MTUS2: variants seen among roughly 807,000 people sequenced by gnomAD.
The protein encoded by MTUS2 is microtubule-associated tumor suppressor candidate 2.
MTUS2 carries 40 observed loss-of-function variants against 114.1 expected under a neutral mutation model. The ratio of observed to expected loss-of-function variants is 0.35; its 90% CI spans 0.27 to 0.46. The LOEUF is 0.46. MTUS2 is among the 20% of genes least tolerant of loss of function. The pLI, the probability that MTUS2 is intolerant of heterozygous loss-of-function variation, is 1.00. For missense variants in MTUS2, 1,679 were observed against 1,705.4 expected, an observed-to-expected ratio of 0.98 and a Z score of 0.27; for synonymous variants, 688 against 672.0, an observed-to-expected ratio of 1.02 and a Z score of -0.37.
intron 8 of MTUS2, among the ~76,000 whole-genome samples, chr13:29,439,759 GTAT>G (rs1386809727): frequency 6.6e-6 from 1 of 152,056 alleles, no homozygotes; most frequent in Non-Finnish European, 1.5e-5. Context: ...ACAACCACGG[GTAT>G]TATTAATATT....
intron 4 of MTUS2, among the ~76,000 whole-genome samples, chr13:29,079,538 G>GT (rs1324167815): frequency 6.6e-6 from 1 of 152,024 alleles, no homozygotes; most frequent in Non-Finnish European, 1.5e-5. Context: ...GAGTTTTGTA[G>GT]TTTTTTCACA....
At chr13:28,889,123 T>C (rs974098130) in intron 2 of MTUS2, among the ~76,000 whole-genome samples, 15 of 152,196 alleles carry the variant, frequency 9.9e-5, no homozygotes, top group Non-Finnish European at 5.9e-5. Flanking sequence ...CTTGTGATGA[T>C]GGTGGTGACA....
At chr13:29,228,565 C>A (rs1374200386) in intron 5 of MTUS2, among the ~76,000 whole-genome samples, 1 of 152,168 alleles carries the variant, frequency 6.6e-6, no homozygotes, top group Non-Finnish European at 1.5e-5. Context: ...AGCAGTCCTC[C>A]TGCCTCAGCC....
chr13:29,286,017 C>G (rs1434950529), intron 6 of MTUS2, among the ~76,000 whole-genome samples: 3 of 152,216 alleles, frequency 2.0e-5, no homozygotes, highest in African/African-American at 7.2e-5. Flanking sequence ...TCTCCACCTT[C>G]TGCTTTCAAG....
intron 5 of MTUS2, among the ~76,000 whole-genome samples, chr13:29,197,695 A>G (rs1566060697): frequency 6.6e-6 from 1 of 152,162 alleles, no homozygotes; most frequent in African/African-American, 2.4e-5. Context: ...AAGCGTTCCT[A>G]CTTCTCCACA....
chr13:29,219,417 A>G (rs980679243), intron 5 of MTUS2, among the ~76,000 whole-genome samples: 14 of 150,438 alleles, frequency 9.3e-5, no homozygotes, highest in African/African-American at 2.9e-4. Flanking sequence ...ATTGTGAATA[A>G]TGCCGCAATA....
intron 5 of MTUS2, among the ~76,000 whole-genome samples, chr13:29,113,471 C>G (rs535052558): frequency 5.3e-5 from 8 of 152,106 alleles, no homozygotes; most frequent in African/African-American, 1.7e-4. Context: ...TGTGCCCAAT[C>G]GAAATTTCTG....
At chr13:29,362,201 T>G (rs1870314761) in intron 8 of MTUS2, among the ~76,000 whole-genome samples, 1 of 152,198 alleles carries the variant, frequency 6.6e-6, no homozygotes, top group East Asian at 1.9e-4. Flanking sequence ...TCTAGGCTGG[T>G]CTCAAACTCC....
chr13:29,195,260 A>AAATTT (rs758961566), intron 5 of MTUS2, among the ~76,000 whole-genome samples: 1 of 150,920 alleles, frequency 6.6e-6, no homozygotes, highest in African/African-American at 2.4e-5. Context: ...AAAATAAAAT[A>AAATTT]AAATAAAAGT....
chr13:29,095,847 T>G (rs1890156630), intron 4 of MTUS2, among the ~76,000 whole-genome samples: 2 of 152,110 alleles, frequency 1.3e-5, no homozygotes, highest in African/African-American at 4.8e-5. Flanking sequence ...TTATTGTTAT[T>G]TTCTATTTGA....
intron 5 of MTUS2, among the ~76,000 whole-genome samples, chr13:29,158,358 C>CCCCCCCCTTTTTT: frequency 2.8e-4 from 9 of 32,054 alleles, no homozygotes; most frequent in African/African-American, 4.1e-4. Context: ...GTCCACCCCG[C>CCCCCCCCTTTTTT]TTTTTTTTTT....
intron 8 of MTUS2, among the ~76,000 whole-genome samples, chr13:29,361,965 A>G (rs991719316): frequency 2.0e-5 from 3 of 152,188 alleles, no homozygotes; most frequent in Admixed American, 6.5e-5. Flanking sequence ...GCCCCTATCC[A>G]GTGGTGAGAC....
At chr13:28,870,418 G>A (rs1463033632) in intron 2 of MTUS2, among the ~76,000 whole-genome samples, 1 of 152,114 alleles carries the variant, frequency 6.6e-6, no homozygotes, top group Non-Finnish European at 1.5e-5. Flanking sequence ...ATGGGAGGGG[G>A]AAGGAGACCC....
intron 8 of MTUS2, among the ~76,000 whole-genome samples, chr13:29,360,229 G>A (rs1278309551): frequency 1.3e-5 from 2 of 152,158 alleles, no homozygotes; most frequent in African/African-American, 4.8e-5. Context: ...ATGCACATAT[G>A]GACCTCCTGG....
intron 8 of MTUS2, among the ~76,000 whole-genome samples, chr13:29,419,058 T>A (rs1414513873): frequency 6.6e-6 from 1 of 152,206 alleles, no homozygotes; most frequent in Non-Finnish European, 1.5e-5. Context: ...CTGACCTAAC[T>A]TTTTGTTTCT....
At chr13:29,373,187 C>A (rs867695173) in intron 8 of MTUS2, among the ~76,000 whole-genome samples, 1 of 152,188 alleles carries the variant, frequency 6.6e-6, no homozygotes, top group African/African-American at 2.4e-5. Flanking sequence ...TCTCATTTTT[C>A]TTCTTCATTT....
chr13:29,151,310 G>A (rs541069368), intron 5 of MTUS2, among the ~76,000 whole-genome samples: 2 of 152,214 alleles, frequency 1.3e-5, no homozygotes, highest in South Asian at 4.1e-4. Context: ...TATTGTAAGT[G>A]GGATTGTATT....
chr13:28,955,878 C>T (rs1883036310), intron 2 of MTUS2, among the ~76,000 whole-genome samples: 1 of 151,646 alleles, frequency 6.6e-6, no homozygotes, highest in Non-Finnish European at 1.5e-5. Context: ...CTTTAGACAC[C>T]TTGCTTTGCT....
chr13:29,279,950 A>G (rs547907988), intron 5 of MTUS2, among the ~76,000 whole-genome samples: 111 of 152,378 alleles, frequency 7.3e-4, no homozygotes, highest in Non-Finnish European at 1.4e-3. Flanking sequence ...TTTGCGCTCA[A>G]TTCAGCTTCT....
Sources: gnomAD v4.1 joint callset for allele counts (sites outside exome capture counted in the v4.1 genomes callset) on GRCh38, gnomAD v4.1.1 for gene constraint, MANE v1.5 for transcripts, NCBI Gene and HGNC (gene_info 2026-07-23, HGNC 2026-07-21) for gene names.